The following PALM2AKAP2 variants were observed in gnomAD, a reference collection of about 807,000 sequenced individuals.
PALM2AKAP2 encodes PALM2-AKAP2 fusion protein.
Under a neutral mutation model 71.5 loss-of-function variants are expected in PALM2AKAP2, and 37 were observed. That is an observed-to-expected ratio of 0.52 (90% CI 0.40 to 0.68). PALM2AKAP2 has a LOEUF of 0.68. Ranked by LOEUF, PALM2AKAP2 falls within the 30% of genes least tolerant of loss-of-function variation. The pLI, the probability that PALM2AKAP2 is intolerant of heterozygous loss-of-function variation, is 0.00. For missense variants in PALM2AKAP2, 1,224 were observed against 1,191.8 expected (o/e 1.03, Z -0.40); for synonymous variants, 468 against 478.8 (o/e 0.98, Z 0.29).
At chr9:109,764,432 C>A (rs715877) in intron 1 of PALM2AKAP2, among the ~76,000 whole-genome samples, 58,572 of 151,964 alleles carry the variant, frequency 0.39, 12,067 homozygotes, top group East Asian at 0.64. Context: ...CTACCTCCCC[C>A]CTAGCCCCCA....
intron 1 of PALM2AKAP2, among the ~76,000 whole-genome samples, chr9:109,784,287 G>T (rs986002575): frequency 6.6e-6 from 1 of 152,166 alleles, no homozygotes; most frequent in African/African-American, 2.4e-5. Flanking sequence ...CACATAAGCA[G>T]TTACTATCCA....
At chr9:110,079,589 G>T (rs757331501) in intron 1 of PALM2AKAP2, among the ~76,000 whole-genome samples, 9 of 151,334 alleles carry the variant, frequency 5.9e-5, no homozygotes, top group Non-Finnish European at 1.3e-4. Context: ...AAGACTTGGG[G>T]AAAAAAAAAT....
At chr9:109,918,521 C>G (rs566766508) in intron 3 of PALM2AKAP2, among the ~76,000 whole-genome samples, 30 of 152,228 alleles carry the variant, frequency 2.0e-4, no homozygotes, top group Non-Finnish European at 3.8e-4. Flanking sequence ...ATTAACCTTG[C>G]GTGTAAATTA....
At chr9:109,841,478 C>T (rs182731632) in intron 1 of PALM2AKAP2, among the ~76,000 whole-genome samples, 6,699 of 107,570 alleles carry the variant, frequency 0.062, 290 homozygotes, top group South Asian at 0.13. Flanking sequence ...AGCAAACCTG[C>T]ACGTTGTGCA....
At chr9:109,727,018 G>T (rs1243277723) in intron 1 of PALM2AKAP2, among the ~76,000 whole-genome samples, 2 of 152,298 alleles carry the variant, frequency 1.3e-5, no homozygotes, top group East Asian at 3.9e-4. Context: ...ATCACAGAGA[G>T]TGAAAAACCA....
At chr9:109,938,862 C>T (rs1831291344) in intron 6 of PALM2AKAP2, among the ~76,000 whole-genome samples, 1 of 152,058 alleles carries the variant, frequency 6.6e-6, no homozygotes, top group African/African-American at 2.4e-5. Flanking sequence ...AACCCCATCT[C>T]TACTGAAAAT....
intron 3 of PALM2AKAP2, among the ~76,000 whole-genome samples, chr9:110,158,668 G>A (rs1447539166): frequency 6.6e-6 from 1 of 152,142 alleles, no homozygotes; most frequent in Non-Finnish European, 1.5e-5. Context: ...AAATCAAAGA[G>A]GCAGCCTCCT....
upstream of PALM2AKAP2, among the ~76,000 whole-genome samples, chr9:109,776,269 G>A (rs1829347340): frequency 6.6e-6 from 1 of 152,220 alleles, no homozygotes; most frequent in Admixed American, 6.5e-5. Flanking sequence ...TGAAAGAAGT[G>A]CTGGAAGAGG....
intron 6 of PALM2AKAP2, among the ~76,000 whole-genome samples, chr9:110,006,358 CTT>C (rs552813650): frequency 7.9e-6 from 1 of 126,746 alleles, no homozygotes; most frequent in Non-Finnish European, 1.6e-5. Flanking sequence ...TTCTTTCTTT[CTT>C]TCTTTCTTTC....
chr9:110,148,818 A>C (rs1564334815), intron 2 of PALM2AKAP2: 1 of 152,234 alleles, frequency 6.6e-6, no homozygotes, highest in Non-Finnish European at 1.5e-5. Context: ...CTCAGACTTC[A>C]TGCATAGAGA....
chr9:110,057,366 G>GT lies in PALM2AKAP2; in HGVS notation c.156+8525dup, dbSNP rs34347147. Among the ~76,000 whole-genome samples, 565 of 134,050 alleles carry GT rather than the reference G, an allele frequency of 4.2e-3. 2 individuals carry two copies. The highest frequency in any genetic ancestry group is 0.016 in the East Asian group (73 of 4,528). The allele number at this position is 134,050 out of a possible 152,430, so 87.9% of individuals were successfully genotyped here. ...AGTTTTCCTACCCAGCTCCTTCTCT[G>GT]TTTTTTTTTTTTTTGTTTTTTTGTT... is the stretch of plus-strand genomic sequence containing the variant. On this transcript the variant is annotated intron_variant, in intron 1 of 3. Transcript: ENST00000374525.
chr9:109,693,649 T>A (rs1428652486), intron 1 of PALM2AKAP2, among the ~76,000 whole-genome samples: 5 of 152,076 alleles, frequency 3.3e-5, no homozygotes, highest in Non-Finnish European at 7.4e-5. Flanking sequence ...TGTGTTATCA[T>A]TTTCATTCAG....
In PALM2AKAP2 at chr9:109,845,978, T is replaced by C. The variant is rs551460192; in HGVS notation, c.46-21513T>C. Among the ~76,000 whole-genome samples the C allele has an allele frequency of 2.0e-5, 3 of 152,324 alleles. No individual in the cohort carries two copies. In the South Asian group the frequency reaches 6.2e-4, roughly 32 times the overall value. ...GAGATGGATAAAAACCAGCAAGATC[T>C]AAAGTAGATAATTTGATTATGATAA... is the stretch of plus-strand genomic sequence containing the variant. On this transcript the variant is annotated intron_variant, in intron 1 of 9. Transcript: ENST00000302798.
At chr9:109,678,020 T>G (rs1827672941) in intron 1 of PALM2AKAP2, among the ~76,000 whole-genome samples, 1 of 152,178 alleles carries the variant, frequency 6.6e-6, no homozygotes, top group Non-Finnish European at 1.5e-5. Flanking sequence ...TCTAAGCTTG[T>G]TAGTGGCCTG....
intron 7 of PALM2AKAP2, among the ~76,000 whole-genome samples, chr9:110,041,180 C>A (rs1300087583): frequency 6.6e-6 from 1 of 152,136 alleles, no homozygotes; most frequent in Non-Finnish European, 1.5e-5. Context: ...GTCCTCTGGG[C>A]TCTTTCTCAT....
chr9:109,691,867 T>TACAC, intron 1 of PALM2AKAP2, among the ~76,000 whole-genome samples: 1 of 51,480 alleles, frequency 1.9e-5, no homozygotes, highest in African/African-American at 8.1e-5. Flanking sequence ...TATATATATA[T>TACAC]ACACACACAC....
intron 7 of PALM2AKAP2, among the ~76,000 whole-genome samples, chr9:110,042,253 C>T (rs260210): frequency 0.67 from 101,601 of 152,014 alleles, 34,522 homozygotes; most frequent in African/African-American, 0.8. Flanking sequence ...ATGGAGAAAC[C>T]CGGTCTCTAC....
At chr9:110,115,841 C>G (rs1171112334) in intron 1 of PALM2AKAP2, among the ~76,000 whole-genome samples, 1 of 152,160 alleles carries the variant, frequency 6.6e-6, no homozygotes, top group Non-Finnish European at 1.5e-5. Flanking sequence ...TCCATCAGAT[C>G]AAACCATTTT....
At chr9:109,878,135 T>C (rs1401971133) in intron 2 of PALM2AKAP2, among the ~76,000 whole-genome samples, 1 of 152,196 alleles carries the variant, frequency 6.6e-6, no homozygotes, top group Non-Finnish European at 1.5e-5. Context: ...TGGAAAAGAA[T>C]CTCTGATAAA....
Sources: allele counts gnomAD v4.1 joint callset (sites outside exome capture counted in the v4.1 genomes callset), GRCh38; gene constraint gnomAD v4.1.1; transcripts MANE v1.5; gene names NCBI Gene and HGNC (gene_info 2026-07-23, HGNC 2026-07-21).